The following UBE2V1 variants were observed in gnomAD, a reference collection of about 807,000 sequenced individuals.
The protein encoded by UBE2V1 is ubiquitin-conjugating enzyme E2 variant 1.
A neutral mutation model predicts 19.6 loss-of-function variants in UBE2V1; 15 were observed. The observed-to-expected ratio is 0.77, with a 90% CI of 0.51 to 1.18. The LOEUF (loss-of-function observed/expected upper bound fraction) is 1.18. Among genes scored for constraint, UBE2V1 ranks in the 50% most tolerant of loss-of-function variants. The pLI is 0.00. For synonymous variants in UBE2V1, 60 were observed against 60.7 expected (o/e 0.99, Z 0.05); for missense variants, 125 against 184.8 (o/e 0.68, Z 1.88).
intron 1 of UBE2V1, among the ~76,000 whole-genome samples, chr20:50,100,957 G>T (rs2079947589): frequency 6.6e-6 from 1 of 152,202 alleles, no homozygotes; most frequent in Non-Finnish European, 1.5e-5. Context: ...TTTTACTTGT[G>T]AAGTAGGGCA....
At chr20:50,107,951 T>A (rs1448605554) in intron 1 of UBE2V1, among the ~76,000 whole-genome samples, 1 of 152,208 alleles carries the variant, frequency 6.6e-6, no homozygotes, top group East Asian at 1.9e-4. Flanking sequence ...TCTGGGTAGC[T>A]GCGACCTGAA....
intron 1 of UBE2V1, among the ~76,000 whole-genome samples, chr20:50,112,756 G>A (rs893967148): frequency 2.0e-5 from 3 of 152,194 alleles, no homozygotes; most frequent in African/African-American, 2.4e-5. Flanking sequence ...TCCTCTAGGG[G>A]ACCTCTAGAT....
intron 3 of UBE2V1, 26 bp downstream of exon 3, chr20:50,084,103 C>G (rs867220755): frequency 6.4e-7 from 1 of 1,550,530 alleles, no homozygotes; most frequent in Middle Eastern, 2.2e-4. Flanking sequence ...CTCCAAGGAA[C>G]AAGTGGGACA....
chr20:50,086,357 G>C (rs1047132829), intron 2 of UBE2V1, among the ~76,000 whole-genome samples: 2 of 152,030 alleles, frequency 1.3e-5, no homozygotes, highest in Admixed American at 6.6e-5. Context: ...CCTTGACAGG[G>C]GCCCTCAACT....
chr20:50,106,057 A>G (rs2080335573), intron 1 of UBE2V1, among the ~76,000 whole-genome samples: 1 of 152,246 alleles, frequency 6.6e-6, no homozygotes, highest in Admixed American at 6.5e-5. Flanking sequence ...ATAGCTAATG[A>G]TAAGTATAAT....
intron 1 of UBE2V1, among the ~76,000 whole-genome samples, chr20:50,108,195 G>A (rs2080515918): frequency 6.6e-6 from 1 of 152,206 alleles, no homozygotes; most frequent in African/African-American, 2.4e-5. Context: ...GAAAGCAAGA[G>A]GCTTTTTCCA....
chr20:50,115,579 T>C (rs537345683), upstream of UBE2V1: 134 of 1,535,574 alleles, frequency 8.7e-5, 2 homozygotes, highest in South Asian at 1.5e-3. Context: ...CTGGCATCAG[T>C]TTCCCCTTCT....
chr20:50,100,477 C>T (rs1286730895), intron 1 of UBE2V1, among the ~76,000 whole-genome samples: 9 of 151,414 alleles, frequency 5.9e-5, no homozygotes, highest in African/African-American at 1.2e-4. Context: ...CCCAGCTACT[C>T]GGGAGGCTGA....
intron 1 of UBE2V1, among the ~76,000 whole-genome samples, chr20:50,112,416 T>A (rs2080815704): frequency 6.6e-6 from 1 of 152,182 alleles, no homozygotes; most frequent in Admixed American, 6.5e-5. Flanking sequence ...CATTTCACTA[T>A]CACCGCTATT....
At chr20:50,098,940 A>G (rs1329096183) in intron 1 of UBE2V1, 49 of 985,348 alleles carry the variant, frequency 5.0e-5, no homozygotes, top group Non-Finnish European at 5.4e-5. Context: ...CAACTGGATT[A>G]TTCAGCTATA....
upstream of UBE2V1, among the ~76,000 whole-genome samples, chr20:50,114,170 G>A (rs2080938888): frequency 6.6e-6 from 1 of 152,174 alleles, no homozygotes; most frequent in African/African-American, 2.4e-5. Flanking sequence ...GCCCTTATAT[G>A]GATGTAGACA....
At chr20:50,097,245 T>C (rs1265412244) in intron 1 of UBE2V1, among the ~76,000 whole-genome samples, 2 of 152,144 alleles carry the variant, frequency 1.3e-5, no homozygotes, top group Non-Finnish European at 2.9e-5. Flanking sequence ...AAACAACCTT[T>C]AGGAGGAATA....
At chr20:50,096,384 A>G (rs748893100) in intron 2 of UBE2V1, 10 of 540,438 alleles carry the variant, frequency 1.9e-5, no homozygotes, top group Non-Finnish European at 3.0e-5. Flanking sequence ...TAGCCCAGAG[A>G]TTGTTCTGAA....
chr20:50,113,173 C>T (rs372425380), upstream of UBE2V1: 105 of 1,265,662 alleles, frequency 8.3e-5, no homozygotes, highest in Middle Eastern at 2.0e-3. Flanking sequence ...TTCACCCCCC[C>T]CTTACCCGTC....
intron 1 of UBE2V1, among the ~76,000 whole-genome samples, chr20:50,106,874 C>CAAAA (rs57532245): frequency 3.8e-4 from 47 of 124,680 alleles, no homozygotes; most frequent in African/African-American, 1.2e-3. Flanking sequence ...ACAACAACAA[C>CAAAA]AAAAAAAAAA....
upstream of UBE2V1, chr20:50,115,427 G>T (rs2080981814): frequency 1.4e-6 from 2 of 1,448,778 alleles, no homozygotes; most frequent in Middle Eastern, 1.9e-4. Context: ...CTGGACTTGG[G>T]GTCACTGTAA....
intron 2 of UBE2V1, among the ~76,000 whole-genome samples, chr20:50,094,405 T>C (rs1041062776): frequency 3.3e-5 from 5 of 150,110 alleles, no homozygotes; most frequent in African/African-American, 4.9e-5. Context: ...AGAAAATATA[T>C]GTCCACATAC....
At chr20:50,096,349 T>C (rs2079621837) in intron 2 of UBE2V1, 1 of 364,792 alleles carries the variant, frequency 2.7e-6, no homozygotes, top group South Asian at 2.8e-5. Flanking sequence ...GAATGCTGGC[T>C]ATACCTAGGG....
rs562734624 is a variant in UBE2V1 at position 50,084,254 on chromosome 20, T to C, written c.172A>G (p.Thr58Ala). 5.0e-6 allele frequency: 8 copies of C among 1,609,582 alleles called. No individual in the cohort carries two copies. The highest frequency in any genetic ancestry group is 6.8e-6 in the Non-Finnish European group (8 of 1,176,722). ...CTGTATATTCGGTTTTCATAAATTG[T>C]CTGGAAAAAAAGAGTACGGAGATGT... ...WTGMIIGPPRTIYENRIYSLK... is the reference protein window; with the variant it reads ...WTGMIIGPPRAIYENRIYSLK... Residue 58 changes from threonine to alanine, a missense_variant and splice_region_variant, in exon 3 of 4, where the codon ACA becomes GCA. Physicochemically the swap from Thr to Ala is moderately conservative, Grantham distance 58. Coordinates refer to ENST00000371674, the MANE Select transcript of UBE2V1 (RefSeq NM_001032288.3).
Sources: gnomAD v4.1 joint callset for allele counts (sites outside exome capture counted in the v4.1 genomes callset) on GRCh38, gnomAD v4.1.1 for gene constraint, MANE v1.5 for transcripts, NCBI Gene and HGNC (gene_info 2026-07-23, HGNC 2026-07-21) for gene names.